Variants in PCDHA9 observed in about 807,000 individuals in gnomAD.
PCDHA9 encodes the protein protocadherin alpha 9.
A neutral mutation model predicts 62.0 loss-of-function variants in PCDHA9; 62 were observed. The observed-to-expected ratio is 1.00, with a 90% CI of 0.81 to 1.23. PCDHA9 has a LOEUF of 1.23. Ranked by LOEUF, PCDHA9 falls within the 50% of genes most tolerant of loss-of-function variation. The probability of loss-of-function intolerance (pLI) is 0.00; values close to 1 mark genes in which losing one functional copy is unlikely to be tolerated. For synonymous variants in PCDHA9, 557 were observed against 567.6 expected (o/e 0.98, Z 0.27); for missense variants, 1,205 against 1,249.8 (o/e 0.96, Z 0.54).
chr5:140,884,791 C>T, intron 1 of PCDHA9: 1 of 1,319,574 alleles, frequency 7.6e-7, no homozygotes, highest in Non-Finnish European at 1.0e-6. Context: ...TAGTTGTTAT[C>T]GAATTTAACA....
intron 3 of PCDHA9, among the ~76,000 whole-genome samples, chr5:140,986,619 C>T (rs1212565136): frequency 6.6e-6 from 1 of 152,134 alleles, no homozygotes; most frequent in Non-Finnish European, 1.5e-5. Flanking sequence ...CAGGCCTTAC[C>T]TAAGGCAACA....
chr5:140,931,966 A>G (rs1554208694), intron 1 of PCDHA9, among the ~76,000 whole-genome samples: 1 of 151,950 alleles, frequency 6.6e-6, no homozygotes, highest in African/African-American at 2.4e-5. Context: ...ATGTTGATGC[A>G]TATGTGTTTA....
At position 140,854,813 on chromosome 5, in the gene PCDHA9, C is replaced by T. The variant is rs957346497; in HGVS notation, c.2394+3924C>T. 2.0e-5 allele frequency: 3 copies of T among 149,256 alleles called. 1 individual carries two copies. Among genetic ancestry groups the T allele is most frequent in the Admixed American group, 6.7e-5 (1 of 14,824 alleles). The allele number at this position is 149,256 out of a possible 1,614,324, so 9.2% of individuals were successfully genotyped here. On this transcript the variant is annotated intron_variant, in intron 1 of 3. Coordinates refer to ENST00000532602, the MANE Select transcript of PCDHA9 (RefSeq NM_031857.2). ...GAGAGAGAAAAAAATATTTTTACTGCAAGTGGTGATGAAAAACTTCACTGA... is the reference window on the plus strand; with the variant it reads ...GAGAGAGAAAAAAATATTTTTACTGTAAGTGGTGATGAAAAACTTCACTGA...
chr5:140,979,522 A>G (rs576025092), intron 2 of PCDHA9, among the ~76,000 whole-genome samples: 1 of 152,098 alleles, frequency 6.6e-6, no homozygotes, highest in South Asian at 2.1e-4. Context: ...ATCTGTTGCT[A>G]TCTTATTGTC....
At position 140,858,269 on chromosome 5, in the gene PCDHA9, A is replaced by T. The variant is rs367651349; in HGVS notation, c.2394+7380A>T. 8.2e-4 allele frequency: 1,313 copies of T among 1,596,554 alleles called. 103 individuals carry two copies. Among genetic ancestry groups the T allele is most frequent in the Non-Finnish European group, 9.6e-4 (1,118 of 1,166,912 alleles). On this transcript the variant is annotated intron_variant, in intron 1 of 3. Transcript: ENST00000532602. Reference sequence around the variant, plus strand: ...GGTGAAGCCCACGCTGGTGTGCTCTAGCGCGGTGGGGAGCTGGTCTTACTC... The same window carrying T: ...GGTGAAGCCCACGCTGGTGTGCTCTTGCGCGGTGGGGAGCTGGTCTTACTC...
intron 1 of PCDHA9, chr5:140,884,401 G>T (rs781854362): frequency 3.1e-6 from 5 of 1,613,996 alleles, no homozygotes; most frequent in Non-Finnish European, 4.2e-6. Flanking sequence ...CCAGCCTGTT[G>T]GTGCTCACGT....
At chr5:140,945,628 A>G (rs898111170) in intron 1 of PCDHA9, among the ~76,000 whole-genome samples, 1 of 152,168 alleles carries the variant, frequency 6.6e-6, no homozygotes, top group Non-Finnish European at 1.5e-5. Flanking sequence ...TACTGGCATA[A>G]AAGACATGTA....
chr5:140,856,308 C>G, intron 1 of PCDHA9: 1 of 1,598,620 alleles, frequency 6.3e-7, no homozygotes, highest in Non-Finnish European at 8.6e-7. Context: ...TTTGTGAATT[C>G]TCGGATTGAC....
At chr5:140,973,697 C>G (rs1474916406) in intron 1 of PCDHA9, among the ~76,000 whole-genome samples, 1 of 152,226 alleles carries the variant, frequency 6.6e-6, no homozygotes, top group Non-Finnish European at 1.5e-5. Context: ...CTGTTTCCTT[C>G]TGACCCAGGA....
intron 1 of PCDHA9, among the ~76,000 whole-genome samples, chr5:140,910,545 A>T (rs551984797): frequency 1.3e-5 from 2 of 152,316 alleles, no homozygotes; most frequent in East Asian, 1.9e-4. Context: ...TCTATTTTGC[A>T]AAGTATTAGT....
At chr5:141,004,362 C>T (rs1357216048) in intron 3 of PCDHA9, among the ~76,000 whole-genome samples, 1 of 152,186 alleles carries the variant, frequency 6.6e-6, no homozygotes, top group Non-Finnish European at 1.5e-5. Flanking sequence ...AGAGACCACA[C>T]CTTGTTCTGC....
At chr5:140,901,580 C>T (rs2068755035) in intron 1 of PCDHA9, among the ~76,000 whole-genome samples, 3 of 152,008 alleles carry the variant, frequency 2.0e-5, no homozygotes, top group Admixed American at 6.6e-5. Context: ...TATGCCAGTG[C>T]CATGATGTTT....
At chr5:140,851,973 C>A in intron 1 of PCDHA9, 1 of 976,422 alleles carries the variant, frequency 1.0e-6, no homozygotes, top group African/African-American at 1.8e-5. Flanking sequence ...CCACACTCTA[C>A]CTTTAGTGCA....
chr5:140,858,117 C>A (rs1191323415), intron 1 of PCDHA9: 1 of 1,597,608 alleles, frequency 6.3e-7, no homozygotes, highest in African/African-American at 1.3e-5. Context: ...CCCGAGGTGG[C>A]CCTGGTGGAT....
At chr5:140,875,026 C>T (rs2055229265) in intron 1 of PCDHA9, among the ~76,000 whole-genome samples, 1 of 152,142 alleles carries the variant, frequency 6.6e-6, no homozygotes, top group South Asian at 2.1e-4. Flanking sequence ...TTCTGGCCTA[C>T]TGTATTTGAA....
chr5:140,940,790 A>G (rs1337945408), intron 1 of PCDHA9, among the ~76,000 whole-genome samples: 3 of 152,176 alleles, frequency 2.0e-5, no homozygotes, highest in African/African-American at 7.2e-5. Context: ...TATCCTGAAA[A>G]TGATATTTGC....
At position 140,849,846 on chromosome 5, in the gene PCDHA9, A is replaced by T; in HGVS notation, c.1351A>T (p.Asn451Tyr). ...VSVEVADVND[N>Y]APAFAQSEYT... ...TGTGGAGGTGGCCGACGTGAACGACAACGCACCAGCGTTCGCGCAGTCCGA... is the reference window on the plus strand; with the variant it reads ...TGTGGAGGTGGCCGACGTGAACGACTACGCACCAGCGTTCGCGCAGTCCGA... The change falls in exon 1 of 4, where the codon AAC becomes TAC. Residue 451 changes from asparagine (N) to tyrosine (Y), a missense_variant. Asn to Tyr is a moderately radical substitution (Grantham distance 143). Transcript: ENST00000532602. 5 of 1,598,504 alleles carry T rather than the reference A, an allele frequency of 3.1e-6. No individual in the cohort carries two copies. Among genetic ancestry groups the T allele is most frequent in the Non-Finnish European group, 4.3e-6 (5 of 1,167,934 alleles).
chr5:140,907,558 A>G (rs2073449629), intron 1 of PCDHA9, among the ~76,000 whole-genome samples: 1 of 152,186 alleles, frequency 6.6e-6, no homozygotes, highest in Non-Finnish European at 1.5e-5. Flanking sequence ...GGTCCAATAT[A>G]ATCAACTTGC....
Position 140,850,285 on chromosome 5 carries a change from T to C in PCDHA9, c.1790T>C (p.Val597Ala). 3.8e-6 allele frequency: 6 copies of C among 1,595,604 alleles called. 1 individual carries two copies. The highest frequency in any genetic ancestry group is 4.5e-5 in the East Asian group (2 of 44,810). Residue 597 changes from valine (V) to alanine (A), a missense_variant, in exon 1 of 4, where the codon GTG (valine) becomes GCG (alanine). By Grantham distance (64) the Val-to-Ala change is moderately conservative (BLOSUM62 0). Coordinates refer to ENST00000532602, the MANE Select transcript of PCDHA9 (RefSeq NM_031857.2). ...AGVVVGKVRA[V>A]DADSGYNAWL... ...GTAGTGGTGGGGAAGGTGCGCGCAG[T>C]GGACGCCGACTCGGGCTACAACGCG...
Sources: allele counts gnomAD v4.1 joint callset (sites outside exome capture counted in the v4.1 genomes callset), GRCh38; gene constraint gnomAD v4.1.1; transcripts MANE v1.5; gene names NCBI Gene and HGNC (gene_info 2026-07-23, HGNC 2026-07-21).